MYO3B: variants seen among roughly 807,000 people sequenced by gnomAD.
MYO3B encodes the protein myosin-IIIb.
Under a neutral mutation model 174.6 loss-of-function variants are expected in MYO3B, and 156 were observed. That is an observed-to-expected ratio of 0.89 (90% confidence interval 0.78 to 1.02). MYO3B has a LOEUF of 1.02. MYO3B is among the 50% of genes least tolerant of loss of function. The probability of loss-of-function intolerance (pLI) is 0.00; values close to 1 mark genes in which losing one functional copy is unlikely to be tolerated. For synonymous variants in MYO3B, 563 were observed against 569.1 expected, an observed-to-expected ratio of 0.99 and a Z score of 0.15; for missense variants, 1,632 against 1,639.4, an observed-to-expected ratio of 1.00 and a Z score of 0.08.
Position 170,401,609 on chromosome 2 carries a change from A to G in MYO3B, c.2047A>G (p.Met683Val), listed in dbSNP as rs1159896001. The G allele has an allele frequency of 1.2e-6, 2 of 1,614,026 alleles. No homozygotes were observed. The highest frequency in any genetic ancestry group is 1.3e-5 in the African/African-American group (1 of 74,912). ...CAGGGCTGCGGACGTTCGAGACGCC[A>G]TGTCCAAAGCCCTGTATGGGAGGCT... is the stretch of plus-strand genomic sequence containing the variant. ...VDRAADVRDA[M>V]SKALYGRLFS... is the part of the protein sequence containing the mutation. Residue 683 changes from methionine to valine, a missense_variant, in exon 18 of 35, where the codon ATG becomes GTG. Transcript: ENST00000408978.
chr2:170,352,267 T>G (rs2094079253), intron 8 of MYO3B, among the ~76,000 whole-genome samples: 1 of 152,128 alleles, frequency 6.6e-6, no homozygotes, highest in Admixed American at 6.6e-5. Flanking sequence ...CACGCATAGG[T>G]TTTTGTACTC....
chr2:170,332,073 G>T (rs1229907420), intron 7 of MYO3B: 5 of 152,216 alleles, frequency 3.3e-5, no homozygotes, highest in Non-Finnish European at 7.3e-5. Flanking sequence ...GGATTAGAAT[G>T]TGGACATCTT....
intron 3 of MYO3B, among the ~76,000 whole-genome samples, chr2:170,202,178 G>C (rs2092669253): frequency 6.6e-6 from 1 of 152,198 alleles, no homozygotes. Flanking sequence ...CCTTGCGCAG[G>C]TGCTCCCTTG....
intron 32 of MYO3B, among the ~76,000 whole-genome samples, chr2:170,580,718 ATGTGTGTGTGTGTG>A (rs59092368): frequency 6.3e-5 from 9 of 142,700 alleles, no homozygotes; most frequent in East Asian, 3.9e-4. Context: ...AACCTTATAT[ATGTGTGTGTGTGTG>A]TGTGTGTGTG....
At chr2:170,335,292 A>T in intron 7 of MYO3B, 93 bp from the exon 8 acceptor site, 1 of 924,250 alleles carries the variant, frequency 1.1e-6, no homozygotes, top group Non-Finnish European at 1.7e-6. Flanking sequence ...ATTTTATTAG[A>T]GCTATTTAGA....
chr2:170,309,208 G>A (rs1363955213), intron 7 of MYO3B, among the ~76,000 whole-genome samples: 1 of 152,136 alleles, frequency 6.6e-6, no homozygotes, highest in Non-Finnish European at 1.5e-5. Flanking sequence ...GTACAACTAA[G>A]TTGGCTAGGG....
At chr2:170,184,778 G>T (rs1277856390) in intron 1 of MYO3B, among the ~76,000 whole-genome samples, 1 of 152,108 alleles carries the variant, frequency 6.6e-6, no homozygotes, top group Non-Finnish European at 1.5e-5. Flanking sequence ...TCTCCATAGT[G>T]ATTGTGTTAA....
At position 170,402,861 on chromosome 2, in the gene MYO3B, G is replaced by A. The variant is rs1202792061; in HGVS notation, c.2143G>A (p.Gly715Arg). 11 of 1,610,178 alleles carry A rather than the reference G, an allele frequency of 6.8e-6. No individual in the cohort carries two copies. The highest frequency in any genetic ancestry group is 9.3e-6 in the Non-Finnish European group (11 of 1,177,282). Residue 715 changes from glycine (G) to arginine (R), a missense_variant, in exon 19 of 35, where the codon GGA (glycine) becomes AGA (arginine). Transcript: ENST00000408978. Reference protein sequence around the residue: ...PDENICSAGGGMNVGILDIFG... With the variant: ...PDENICSAGGRMNVGILDIFG... Reference sequence around the variant, plus strand: ...TCTCTCATGCAGTAGTGCAGGAGGTGGAATGAATGTGGGGATCTTGGATAT... The same window carrying A: ...TCTCTCATGCAGTAGTGCAGGAGGTAGAATGAATGTGGGGATCTTGGATAT...
intron 1 of MYO3B, among the ~76,000 whole-genome samples, chr2:170,198,712 G>C (rs1487394213): frequency 6.6e-6 from 1 of 152,150 alleles, no homozygotes; most frequent in Non-Finnish European, 1.5e-5. Flanking sequence ...ATCTAACATA[G>C]AGCGAGGATA....
chr2:170,355,787 C>T (rs139463399), intron 8 of MYO3B, among the ~76,000 whole-genome samples: 5 of 152,116 alleles, frequency 3.3e-5, no homozygotes, highest in African/African-American at 4.8e-5. Context: ...AGACATTCAA[C>T]GTGTCAGGAA....
chr2:170,636,672 C>T (rs751009438), intron 32 of MYO3B, among the ~76,000 whole-genome samples: 1 of 152,068 alleles, frequency 6.6e-6, no homozygotes, highest in Non-Finnish European at 1.5e-5. Flanking sequence ...GCGCGTTTCC[C>T]GGTGCCATCA....
chr2:170,489,659 G>A (rs899634906), intron 25 of MYO3B, among the ~76,000 whole-genome samples: 10 of 149,240 alleles, frequency 6.7e-5, no homozygotes, highest in Non-Finnish European at 1.2e-4. Context: ...GTGTGTGTGT[G>A]TGTGTGTGTC....
intron 23 of MYO3B, among the ~76,000 whole-genome samples, chr2:170,454,999 G>A (rs951509251): frequency 4.6e-5 from 7 of 152,166 alleles, no homozygotes; most frequent in African/African-American, 1.7e-4. Context: ...TATTGAGCTG[G>A]GTGGTGCTAG....
chr2:170,478,885 T>TACACACAC (rs1163832635), intron 25 of MYO3B, among the ~76,000 whole-genome samples: 1 of 41,358 alleles, frequency 2.4e-5, no homozygotes, highest in African/African-American at 1.2e-4. Flanking sequence ...ATATAGGTTT[T>TACACACAC]ACATACACAC....
At chr2:170,485,978 GA>G (rs1177398424) in intron 25 of MYO3B, among the ~76,000 whole-genome samples, 3 of 151,842 alleles carry the variant, frequency 2.0e-5, no homozygotes, top group African/African-American at 7.3e-5. Context: ...CTCATCCCCA[GA>G]GTTTCTGATT....
intron 8 of MYO3B, among the ~76,000 whole-genome samples, chr2:170,364,494 TA>T (rs2094184235): frequency 6.6e-6 from 1 of 152,206 alleles, no homozygotes; most frequent in South Asian, 2.1e-4. Flanking sequence ...ATACAGAGTT[TA>T]ACATTTTATG....
chr2:170,423,639 G>T (rs1346354239), intron 22 of MYO3B, among the ~76,000 whole-genome samples: 1 of 145,830 alleles, frequency 6.9e-6, no homozygotes, highest in Non-Finnish European at 1.5e-5. Context: ...AGAGTGCAGT[G>T]GTGCGATCTC....
chr2:170,626,788 A>G (rs1696479129), intron 32 of MYO3B, among the ~76,000 whole-genome samples: 1 of 152,050 alleles, frequency 6.6e-6, no homozygotes, highest in African/African-American at 2.4e-5. Flanking sequence ...AAAGGATTTT[A>G]TTTCTCCTTC....
chr2:170,279,301 T>C (rs1001558331), intron 7 of MYO3B, among the ~76,000 whole-genome samples: 2 of 152,146 alleles, frequency 1.3e-5, no homozygotes, highest in Admixed American at 6.5e-5. Flanking sequence ...CATTTGTTAT[T>C]TTTTGTCTTT....
Sources: allele counts gnomAD v4.1 joint callset (sites outside exome capture counted in the v4.1 genomes callset), GRCh38; gene constraint gnomAD v4.1.1; transcripts MANE v1.5; gene names NCBI Gene and HGNC (gene_info 2026-07-23, HGNC 2026-07-21).